Variants in TRIP12 observed in about 807,000 individuals in gnomAD.
TRIP12 encodes E3 ubiquitin-protein ligase TRIP12.
A neutral mutation model predicts 244.2 loss-of-function variants in TRIP12; 25 were observed. That is an observed-to-expected ratio of 0.10 (90% CI 0.07 to 0.14). The LOEUF (loss-of-function observed/expected upper bound fraction) is 0.14, where lower values mean the gene tolerates loss of function less well. Ranked by LOEUF, TRIP12 falls within the 10% of genes least tolerant of loss-of-function variation. TRIP12 has a pLI of 1.00. For missense variants in TRIP12, 1,677 were observed against 2,486.4 expected (o/e 0.67, Z 6.92); for synonymous variants, 905 against 873.1 (o/e 1.04, Z -0.64).
intron 1 of TRIP12, among the ~76,000 whole-genome samples, chr2:229,886,350 C>A (rs2066007791): frequency 6.6e-6 from 1 of 152,028 alleles, no homozygotes; most frequent in African/African-American, 2.4e-5. Flanking sequence ...AGAGTAAGGG[C>A]CATTGAGTGC....
intron 13 of TRIP12, among the ~76,000 whole-genome samples, 170 bp from the exon 14 acceptor site, chr2:229,811,374 A>G (rs1245836171): frequency 6.6e-6 from 1 of 152,024 alleles, no homozygotes; most frequent in African/African-American, 2.4e-5. Flanking sequence ...CAGTAACATC[A>G]CAATTTCAAA....
chr2:229,822,065 G>A (rs755755672), intron 8 of TRIP12, among the ~76,000 whole-genome samples: 3 of 152,208 alleles, frequency 2.0e-5, no homozygotes, highest in African/African-American at 7.2e-5. Flanking sequence ...ACTTGAACTC[G>A]GGAGGCAGAG....
chr2:229,796,844 T>A (rs923031006), intron 24 of TRIP12, 62 bp from the exon 25 acceptor site: 2 of 1,389,340 alleles, frequency 1.4e-6, no homozygotes, highest in Admixed American at 5.1e-5. Context: ...AATACACAAC[T>A]CACATATCCT....
chr2:229,853,014 G>A (rs2058992888), intron 4 of TRIP12, among the ~76,000 whole-genome samples: 1 of 152,086 alleles, frequency 6.6e-6, no homozygotes, highest in African/African-American at 2.4e-5. Context: ...AATAATACTT[G>A]AACATGGAGA....
At chr2:229,895,500 G>A (rs2068561353) in intron 1 of TRIP12, among the ~76,000 whole-genome samples, 1 of 147,550 alleles carries the variant, frequency 6.8e-6, no homozygotes, top group Non-Finnish European at 1.5e-5. Context: ...AGCTCAAACA[G>A]GATAAATAAA....
intron 1 of TRIP12, among the ~76,000 whole-genome samples, chr2:229,882,037 C>T (rs572831265): frequency 8.5e-5 from 13 of 152,312 alleles, no homozygotes; most frequent in African/African-American, 2.6e-4. Context: ...CAATTCTGGA[C>T]TCTAACACTA....
At chr2:229,825,153 C>T (rs189329932) in intron 8 of TRIP12, among the ~76,000 whole-genome samples, 8 of 152,180 alleles carry the variant, frequency 5.3e-5, no homozygotes, top group Admixed American at 3.9e-4. Flanking sequence ...CTTGAAATCT[C>T]GTACTGTGGG....
intron 1 of TRIP12, among the ~76,000 whole-genome samples, chr2:229,888,513 C>T (rs377186496): frequency 3.3e-5 from 5 of 152,142 alleles, no homozygotes; most frequent in South Asian, 4.2e-4. Flanking sequence ...GAAAATAAAT[C>T]AGGATAGTGG....
At chr2:229,922,244 G>A (rs1028163567), upstream of TRIP12, 5 of 467,122 alleles carry the variant, frequency 1.1e-5, no homozygotes, top group Middle Eastern at 5.8e-4. Flanking sequence ...GGACTGTGGA[G>A]ATCTACTTGG....
chr2:229,859,773 T>C (rs13389092), intron 3 of TRIP12, among the ~76,000 whole-genome samples, 199 bp from the exon 4 acceptor site: 133 of 152,336 alleles, frequency 8.7e-4, no homozygotes, highest in African/African-American at 3.0e-3. Flanking sequence ...CTAAAATATC[T>C]GATTAAAAGA....
chr2:229,858,643 C>T, intron 4 of TRIP12, 129 bp downstream of exon 4: 1 of 790,156 alleles, frequency 1.3e-6, no homozygotes, highest in Non-Finnish European at 1.9e-6. Flanking sequence ...CTTAATTACA[C>T]AGACAGTAAT....
chr2:229,875,127 TTA>T (rs2063362756), intron 2 of TRIP12, among the ~76,000 whole-genome samples: 1 of 151,574 alleles, frequency 6.6e-6, no homozygotes. Flanking sequence ...ATCCAAAAAA[TTA>T]GAGAGGAAAG....
chr2:229,771,118 G>C (rs1312214305), intron 39 of TRIP12, among the ~76,000 whole-genome samples: 1 of 152,190 alleles, frequency 6.6e-6, no homozygotes, highest in Admixed American at 6.5e-5. Context: ...GACTAACTTT[G>C]ATTGTGAAAC....
intron 34 of TRIP12, among the ~76,000 whole-genome samples, chr2:229,783,541 T>G (rs2038978673): frequency 6.6e-6 from 1 of 152,156 alleles, no homozygotes. Context: ...ATTTTCAGCT[T>G]CATCAAAAAA....
intron 2 of TRIP12, among the ~76,000 whole-genome samples, chr2:229,865,121 G>A (rs2061271265): frequency 6.6e-6 from 1 of 151,958 alleles, no homozygotes; most frequent in Non-Finnish European, 1.5e-5. Flanking sequence ...AGACCAGCCT[G>A]GGCAACATGG....
At position 229,783,393 on chromosome 2, in the gene TRIP12, GCCA is replaced by G. The variant is rs1574924671; in HGVS notation, c.5094+2361_5094+2363del. Among the ~76,000 whole-genome samples the G allele has an allele frequency of 1.9e-4, 29 of 152,266 alleles. No homozygotes were observed. In the East Asian group the frequency reaches 5.4e-3, roughly 28 times the overall value. On this transcript the variant is annotated intron_variant, in intron 34 of 41. Coordinates refer to ENST00000675903, the MANE Select transcript of TRIP12 (RefSeq NM_001348323.3). ...GGTCCTTCACAGAAAGTTTTCCCAAGCCATGGGTCTACAATAATCGTAAGTGAT... is the reference window on the plus strand; with the variant it reads ...GGTCCTTCACAGAAAGTTTTCCCAAGTGGGTCTACAATAATCGTAAGTGAT...
At position 229,774,247 on chromosome 2, in the gene TRIP12, T is replaced by C. The variant is rs965426376; in HGVS notation, c.5544A>G (p.Leu1848=). The change falls in exon 38 of 42, where the codon CTA becomes CTG. Residue 1848 remains leucine, a synonymous_variant. Coordinates refer to ENST00000675903, the MANE Select transcript of TRIP12 (RefSeq NM_001348323.3). ...EQDKSQTKES[L]QYALETLTMN... ...TAGTCAAGGTTTCTAATGCATACTG[T>C]AGACTCTCTTTGGTCTAAAAAACAC... 12 of 1,612,192 alleles carry C rather than the reference T, an allele frequency of 7.4e-6. No individual in the cohort carries two copies. Among genetic ancestry groups the C allele is most frequent in the Non-Finnish European group, 1.0e-5 (12 of 1,179,414 alleles).
At chr2:229,898,370 CAA>C (rs1363417729) in intron 1 of TRIP12, among the ~76,000 whole-genome samples, 3 of 152,162 alleles carry the variant, frequency 2.0e-5, no homozygotes, top group Admixed American at 6.5e-5. Flanking sequence ...CAACAATGTA[CAA>C]AGACTTCTAA....
In TRIP12 at chr2:229,764,470, AG is replaced by A. The variant is rs1225048046; in HGVS notation, c.*3083del. On this transcript the variant is annotated 3_prime_UTR_variant, in exon 42 of 42. Transcript: ENST00000675903. ...CAATAGCATCCAGAATCCTCCAAAA[AG>A]GATTTGGCATATGAATGCACTTTTA... The A allele has an allele frequency of 6.6e-6, 1 of 152,274 alleles. No homozygotes were observed. The highest frequency in any genetic ancestry group is 1.5e-5 in the Non-Finnish European group (1 of 68,046). 9.4% of individuals were successfully genotyped at this position (152,274 alleles called of 1,614,324 possible).
Sources: gnomAD v4.1 joint callset for allele counts (sites outside exome capture counted in the v4.1 genomes callset) on GRCh38, gnomAD v4.1.1 for gene constraint, MANE v1.5 for transcripts, NCBI Gene and HGNC (gene_info 2026-07-23, HGNC 2026-07-21) for gene names.